Variants in CNTNAP2 observed in about 807,000 individuals in gnomAD.
CNTNAP2 encodes contactin-associated protein-like 2.
Under a neutral mutation model 155.2 loss-of-function variants are expected in CNTNAP2, and 98 were observed. The observed-to-expected ratio is 0.63, with a 90% CI of 0.54 to 0.75. The LOEUF (loss-of-function observed/expected upper bound fraction) is 0.75, where lower values mean the gene tolerates loss of function less well. Among genes scored for constraint, CNTNAP2 ranks in the 30% least tolerant of loss-of-function variants. CNTNAP2 has a pLI of 0.00. For synonymous variants in CNTNAP2, 651 were observed against 631.2 expected (o/e 1.03, Z -0.47); for missense variants, 1,727 against 1,688.1 (o/e 1.02, Z -0.40).
intron 20 of CNTNAP2, among the ~76,000 whole-genome samples, chr7:148,232,571 C>G (rs998096074): frequency 2.0e-5 from 3 of 152,156 alleles, no homozygotes; most frequent in Admixed American, 2.0e-4. Flanking sequence ...TCAACCTATT[C>G]TGGTAGTCCC....
chr7:146,808,004 G>C (rs1429341593), intron 2 of CNTNAP2, among the ~76,000 whole-genome samples: 1 of 152,100 alleles, frequency 6.6e-6, no homozygotes, highest in Non-Finnish European at 1.5e-5. Flanking sequence ...GTGGAGAAAT[G>C]ATAAGAGATG....
chr7:146,581,896 A>T (rs6464768), intron 1 of CNTNAP2, among the ~76,000 whole-genome samples: 121,541 of 151,996 alleles, frequency 0.8, 49,107 homozygotes, highest in South Asian at 0.88. Flanking sequence ...GCCCAAAATG[A>T]TGCAGTGAGA....
intron 1 of CNTNAP2, among the ~76,000 whole-genome samples, chr7:146,193,564 G>T (rs968382326): frequency 1.3e-5 from 2 of 152,146 alleles, no homozygotes; most frequent in Non-Finnish European, 2.9e-5. Flanking sequence ...TGGGGCAGAG[G>T]GCACCAAGTC....
chr7:146,854,115 G>C (rs1794932464), intron 3 of CNTNAP2, among the ~76,000 whole-genome samples: 1 of 152,150 alleles, frequency 6.6e-6, no homozygotes, highest in Non-Finnish European at 1.5e-5. Flanking sequence ...CCTCCCTTCA[G>C]ACCTGGAGGC....
chr7:147,732,787 GTGA>G (rs2116469650), intron 13 of CNTNAP2, among the ~76,000 whole-genome samples: 1 of 152,226 alleles, frequency 6.6e-6, no homozygotes, highest in East Asian at 1.9e-4. Context: ...CTGATGGCCA[GTGA>G]TGATGAGCAT....
At chr7:148,310,625 A>G (rs984195410) in intron 21 of CNTNAP2, among the ~76,000 whole-genome samples, 1 of 152,094 alleles carries the variant, frequency 6.6e-6, no homozygotes. Flanking sequence ...CTATTTGCAA[A>G]TTGAATTTTG....
intron 21 of CNTNAP2, among the ~76,000 whole-genome samples, chr7:148,320,376 C>CTTTT (rs67424217): frequency 4.3e-4 from 27 of 63,360 alleles, no homozygotes; most frequent in South Asian, 9.3e-4. Context: ...ATTTTTTTTT[C>CTTTT]TTTTTTTTTT....
intron 3 of CNTNAP2, among the ~76,000 whole-genome samples, chr7:146,884,008 T>C (rs550278672): frequency 1.5e-4 from 23 of 152,244 alleles, no homozygotes; most frequent in African/African-American, 5.3e-4. Flanking sequence ...AGCATGTAAA[T>C]AGGGCATTTT....
chr7:146,942,311 C>G (rs1797073105), intron 3 of CNTNAP2, among the ~76,000 whole-genome samples: 1 of 151,974 alleles, frequency 6.6e-6, no homozygotes, highest in African/African-American at 2.4e-5. Flanking sequence ...AAAAGAAAAA[C>G]CAACTTTACT....
chr7:147,637,887 T>A (rs10258558), intron 12 of CNTNAP2, among the ~76,000 whole-genome samples: 16,002 of 152,170 alleles, frequency 0.11, 1,074 homozygotes, highest in Admixed American at 0.21. Flanking sequence ...GAAATCATGA[T>A]ACTCTAATCC....
At chr7:147,713,143 C>T (rs1796427393) in intron 13 of CNTNAP2, among the ~76,000 whole-genome samples, 1 of 152,048 alleles carries the variant, frequency 6.6e-6, no homozygotes, top group Non-Finnish European at 1.5e-5. Flanking sequence ...TTTGAGGCTG[C>T]ATCCCATTTT....
At chr7:146,476,469 A>AT (rs143588378) in intron 1 of CNTNAP2, among the ~76,000 whole-genome samples, 4,715 of 151,952 alleles carry the variant, frequency 0.031, 222 homozygotes, top group African/African-American at 0.1. Flanking sequence ...AAGAGATTTG[A>AT]TTTTTTTTAT....
intron 1 of CNTNAP2, among the ~76,000 whole-genome samples, chr7:146,347,086 T>G (rs898233895): frequency 6.7e-6 from 1 of 148,878 alleles, no homozygotes; most frequent in Admixed American, 6.8e-5. Flanking sequence ...TGGAGTGCTT[T>G]GGCATGTATC....
intron 15 of CNTNAP2, among the ~76,000 whole-genome samples, chr7:148,068,832 G>T (rs1030051553): frequency 6.6e-6 from 1 of 152,144 alleles, no homozygotes; most frequent in African/African-American, 2.4e-5. Flanking sequence ...TCTGACCCAG[G>T]TTGTTTTATT....
intron 13 of CNTNAP2, among the ~76,000 whole-genome samples, chr7:147,755,287 A>G (rs191984463): frequency 2.1e-3 from 316 of 152,324 alleles, no homozygotes; most frequent in African/African-American, 7.2e-3. Flanking sequence ...GAACAAAAAC[A>G]AAAAAGCATA....
rs569559359 is a variant in CNTNAP2, at chr7:148,091,295, T to A, written c.2384-26823T>A. On this transcript the variant is annotated intron_variant, in intron 15 of 23. Coordinates refer to ENST00000361727, the MANE Select transcript of CNTNAP2 (RefSeq NM_014141.6). ...ACCTTTATTTAGCCATTCTACAATG[T>A]GTACTGTGTATGTACATGTGTATAT... Among the ~76,000 whole-genome samples, 11 of 152,360 alleles carry A rather than the reference T, an allele frequency of 7.2e-5. 1 individual carries two copies. In the South Asian group the frequency reaches 1.4e-3, roughly 20 times the overall value.
chr7:147,388,003 T>C (rs1471135866), intron 9 of CNTNAP2, among the ~76,000 whole-genome samples: 1 of 152,182 alleles, frequency 6.6e-6, no homozygotes, highest in Non-Finnish European at 1.5e-5. Flanking sequence ...GTAGTGCTAT[T>C]GGAGGAGCTT....
intron 8 of CNTNAP2, among the ~76,000 whole-genome samples, chr7:147,251,599 G>T (rs1008057961): frequency 6.6e-6 from 1 of 152,098 alleles, no homozygotes; most frequent in African/African-American, 2.4e-5. Context: ...TTTGATGATT[G>T]AAATAGCATT....
chr7:148,029,179 CT>C lies in CNTNAP2; in HGVS notation c.2383+51195del, dbSNP rs374671368. 7.2e-3 allele frequency among the ~76,000 whole-genome samples: 1,100 copies of C among 152,202 alleles called. 11 individuals carry two copies. The highest frequency in any genetic ancestry group is 0.014 in the Admixed American group (210 of 15,286). On this transcript the variant is annotated intron_variant, in intron 15 of 23. Transcript: ENST00000361727. ...CTATCTACTGCATTCGTAAATTTCC[CT>C]TTTTGATTATTCTAGTCATGTAACA... is the stretch of plus-strand genomic sequence containing the variant.
Sources: allele counts gnomAD v4.1 joint callset (sites outside exome capture counted in the v4.1 genomes callset), GRCh38; gene constraint gnomAD v4.1.1; transcripts MANE v1.5; gene names NCBI Gene and HGNC (gene_info 2026-07-23, HGNC 2026-07-21).